The following AGO3 variants were observed in gnomAD, a reference collection of about 807,000 sequenced individuals.
The protein encoded by AGO3 is protein argonaute-3.
A neutral mutation model predicts 105.5 loss-of-function variants in AGO3; 16 were observed. The ratio of observed to expected loss-of-function variants is 0.15; its 90% CI spans 0.10 to 0.23. The LOEUF (loss-of-function observed/expected upper bound fraction) is 0.23. Ranked by LOEUF, AGO3 falls within the 10% of genes least tolerant of loss-of-function variation. The probability of loss-of-function intolerance (pLI) is 1.00; values close to 1 mark genes in which losing one functional copy is unlikely to be tolerated. For synonymous variants in AGO3, 340 were observed against 367.3 expected (o/e 0.93, Z 0.85); for missense variants, 534 against 1,088.0 (o/e 0.49, Z 7.16).
At chr1:35,943,300 T>TC (rs1338844624) in intron 1 of AGO3, among the ~76,000 whole-genome samples, 2 of 139,422 alleles carry the variant, frequency 1.4e-5, no homozygotes, top group African/African-American at 5.3e-5. Flanking sequence ...GCCATGCCCA[T>TC]CTTTTTTTTT....
At chr1:35,974,472 A>C (rs1310353892) in intron 5 of AGO3, among the ~76,000 whole-genome samples, 1 of 152,076 alleles carries the variant, frequency 6.6e-6, no homozygotes, top group Non-Finnish European at 1.5e-5. Context: ...TTGTTCCTCT[A>C]TCCCCTGTTT....
intron 14 of AGO3, 24 bp from the exon 15 acceptor site, chr1:36,039,765 AT>A: frequency 7.7e-7 from 1 of 1,295,800 alleles, no homozygotes; most frequent in Non-Finnish European, 1.0e-6. Flanking sequence ...TTATTTATTT[AT>A]TTATTTTACT....
chr1:36,057,335 T>A lies in AGO3; in HGVS notation c.*1590T>A, dbSNP rs1642950196. On this transcript the variant is annotated 3_prime_UTR_variant, in exon 19 of 19. Transcript: ENST00000373191. ...ATACCTTAATGTGATTTTCATATATTTTTTATATATATATATGTATGTGTG... is the reference window on the plus strand; with the variant it reads ...ATACCTTAATGTGATTTTCATATATATTTTATATATATATATGTATGTGTG... 1 of 151,690 alleles carries A rather than the reference T, an allele frequency of 6.6e-6. No homozygotes were observed. The highest frequency in any genetic ancestry group is 1.9e-4 in the East Asian group (1 of 5,196). The allele number at this position is 151,690 out of a possible 1,614,324, so 9.4% of individuals were successfully genotyped here. A position where few individuals can be genotyped will look rare whatever the true frequency, so the allele number is the denominator to read the frequency against.
chr1:36,010,982 A>G (rs544422809), intron 9 of AGO3, among the ~76,000 whole-genome samples: 86 of 152,142 alleles, frequency 5.7e-4, no homozygotes, highest in African/African-American at 2.0e-3. Context: ...AAAAGAAAGA[A>G]AGGAAATAGA....
intron 5 of AGO3, among the ~76,000 whole-genome samples, chr1:35,987,428 G>C (rs1360705521): frequency 2.0e-5 from 3 of 151,534 alleles, no homozygotes; most frequent in African/African-American, 7.3e-5. Context: ...AGGAGACGGA[G>C]GTTGCAGTGA....
chr1:36,046,210 G>A (rs976770217), intron 17 of AGO3, among the ~76,000 whole-genome samples: 2 of 152,172 alleles, frequency 1.3e-5, no homozygotes, highest in Admixed American at 1.3e-4. Flanking sequence ...TGTGGTCCAA[G>A]CAGCTACTGC....
chr1:36,023,291 A>G lies in AGO3; in HGVS notation c.1407-3823A>G, dbSNP rs2148829698. 1.3e-5 allele frequency among the ~76,000 whole-genome samples: 2 copies of G among 152,372 alleles called. 1 individual carries two copies. The highest frequency in any genetic ancestry group is 1.3e-4 in the Admixed American group (2 of 15,304). On this transcript the variant is annotated intron_variant, in intron 11 of 18. Transcript: ENST00000373191. Reference sequence around the variant, plus strand: ...GAGAGGAATGGACACAGAGAGTCTGACTGGTACCATGCTTCGTCACTCAGT... The same window carrying G: ...GAGAGGAATGGACACAGAGAGTCTGGCTGGTACCATGCTTCGTCACTCAGT...
At chr1:35,972,358 T>C in intron 4 of AGO3, 126 bp downstream of exon 4, 3 of 1,096,560 alleles carry the variant, frequency 2.7e-6, no homozygotes, top group South Asian at 1.6e-5. Flanking sequence ...TGAACAAGAA[T>C]AGCATCCATA....
Position 36,069,784 on chromosome 1 carries a change from C to A in AGO3, c.*14039C>A, listed in dbSNP as rs191130636. On this transcript the variant is annotated 3_prime_UTR_variant, in exon 19 of 19. Transcript: ENST00000373191. The stretch of plus-strand genomic sequence containing the variant: ...CAAATACTTAGAAATTGACTGGGTG[C>A]GGTGGCTCATGCCTGTAATCCCAGC... 1.3e-5 allele frequency: 2 copies of A among 152,096 alleles called. No individual in the cohort carries two copies. The highest frequency in any genetic ancestry group is 2.9e-5 in the Non-Finnish European group (2 of 68,026). 9.4% of individuals were successfully genotyped at this position (152,096 alleles called of 1,614,324 possible).
At chr1:36,032,306 AT>A (rs1262015423) in intron 12 of AGO3, among the ~76,000 whole-genome samples, 5 of 152,090 alleles carry the variant, frequency 3.3e-5, no homozygotes, top group Admixed American at 6.6e-5. Flanking sequence ...TTCCTAAATG[AT>A]TAGAGACGTT....
At position 35,931,298 on chromosome 1, in the gene AGO3, C is replaced by T. The variant is rs1282201843; in HGVS notation, c.-129C>T. On this transcript the variant is annotated 5_prime_UTR_variant, in exon 1 of 19. Coordinates refer to ENST00000373191, the MANE Select transcript of AGO3 (RefSeq NM_024852.4). The stretch of plus-strand genomic sequence containing the variant: ...CGGAGTGCGGTTGCTCAGGGGAAGC[C>T]GTCGCCGCCCCCGCCTCGGGGCCGA... The T allele has an allele frequency of 6.3e-6, 5 of 797,336 alleles. No individual in the cohort carries two copies. Among genetic ancestry groups the T allele is most frequent in the African/African-American group, 3.6e-5 (2 of 54,968 alleles). 49.4% of individuals were successfully genotyped at this position (797,336 alleles called of 1,614,324 possible).
intron 2 of AGO3, among the ~76,000 whole-genome samples, chr1:35,961,280 AC>A (rs1183235563): frequency 1.3e-5 from 2 of 152,002 alleles, no homozygotes; most frequent in Non-Finnish European, 2.9e-5. Flanking sequence ...ATTAAATTTT[AC>A]TATAAGAGGG....
chr1:36,040,486 C>T, intron 16 of AGO3, 45 bp downstream of exon 16: 2 of 1,604,646 alleles, frequency 1.2e-6, no homozygotes, highest in South Asian at 2.2e-5. Context: ...CAAGCTTATC[C>T]AACATAGTTC....
At chr1:35,946,903 C>T (rs973913845) in intron 2 of AGO3, among the ~76,000 whole-genome samples, 1 of 152,242 alleles carries the variant, frequency 6.6e-6, no homozygotes, top group African/African-American at 2.4e-5. Flanking sequence ...TAATCCAATA[C>T]CTTTTTTATT....
intron 5 of AGO3, among the ~76,000 whole-genome samples, chr1:35,990,424 C>T (rs1450065512): frequency 3.3e-5 from 5 of 152,102 alleles, no homozygotes; most frequent in East Asian, 1.9e-4. Context: ...AGGAGAATGG[C>T]GTGAACCCGG....
chr1:36,000,974 G>T (rs1640056557), intron 5 of AGO3, among the ~76,000 whole-genome samples: 2 of 151,988 alleles, frequency 1.3e-5, no homozygotes, highest in South Asian at 4.1e-4. Flanking sequence ...GGTGGCTCAC[G>T]CCTGTAATCC....
intron 16 of AGO3, among the ~76,000 whole-genome samples, chr1:36,042,542 G>A (rs892863389): frequency 6.6e-6 from 1 of 152,132 alleles, no homozygotes; most frequent in African/African-American, 2.4e-5. Context: ...TATAATTCAA[G>A]GTACTACCTT....
intron 6 of AGO3, among the ~76,000 whole-genome samples, chr1:36,005,313 C>G (rs1170114424): frequency 6.6e-6 from 1 of 152,060 alleles, no homozygotes; most frequent in Non-Finnish European, 1.5e-5. Context: ...TTCAGTTCCC[C>G]CAAATCAATT....
intron 2 of AGO3, among the ~76,000 whole-genome samples, chr1:35,952,139 TCTTTC>T (rs1387700376): frequency 0.021 from 2,683 of 129,736 alleles, 288 homozygotes; most frequent in East Asian, 0.061. Context: ...TTTCTTTCTT[TCTTTC>T]TTTCTTTTTT....
Sources: allele counts gnomAD v4.1 joint callset (sites outside exome capture counted in the v4.1 genomes callset), GRCh38; gene constraint gnomAD v4.1.1; transcripts MANE v1.5; gene names NCBI Gene and HGNC (gene_info 2026-07-23, HGNC 2026-07-21).